The following KLF12 variants were observed in gnomAD, a reference collection of about 807,000 sequenced individuals.
The protein encoded by KLF12 is KLF transcription factor 12, also known as Krueppel-like factor 12.
In KLF12, 9 loss-of-function variants were observed where a neutral mutation model predicts 37.8. That is an observed-to-expected ratio of 0.24 (90% CI 0.14 to 0.42). The LOEUF (loss-of-function observed/expected upper bound fraction) is 0.42. Ranked by LOEUF, KLF12 falls within the 10% of genes least tolerant of loss-of-function variation. KLF12 has a pLI of 1.00. For synonymous variants in KLF12, 208 were observed against 202.1 expected, an observed-to-expected ratio of 1.03 and a Z score of -0.25; for missense variants, 411 against 516.0, an observed-to-expected ratio of 0.80 and a Z score of 1.97.
At chr13:73,876,704 TA>T (rs1460177427) in intron 3 of KLF12, among the ~76,000 whole-genome samples, 4 of 152,142 alleles carry the variant, frequency 2.6e-5, no homozygotes, top group Non-Finnish European at 4.4e-5. Context: ...TTCTGATTTC[TA>T]AAAAATGACA....
Position 73,945,931 on chromosome 13 carries a change from G to A in KLF12, c.34-1861C>T, listed in dbSNP as rs370054896. Among the ~76,000 whole-genome samples the A allele has an allele frequency of 2.6e-5, 4 of 152,112 alleles. No individual in the cohort carries two copies. In the South Asian group the frequency reaches 8.3e-4, roughly 32 times the overall value. Reference sequence around the variant, plus strand: ...GTTCTAAACTTGAAACCCTTTCATGGAGGCCTGTGGGTTGTTTTCACATGG... The same window carrying A: ...GTTCTAAACTTGAAACCCTTTCATGAAGGCCTGTGGGTTGTTTTCACATGG... On this transcript the variant is annotated intron_variant, in intron 2 of 7. Transcript: ENST00000377669.
intron 1 of KLF12, among the ~76,000 whole-genome samples, chr13:74,091,819 G>A (rs1341238058): frequency 6.6e-6 from 1 of 151,986 alleles, no homozygotes; most frequent in African/African-American, 2.4e-5. Flanking sequence ...TATTTATTTT[G>A]GGTGATAATA....
intron 5 of KLF12, among the ~76,000 whole-genome samples, chr13:73,811,107 T>G (rs1333750508): frequency 6.9e-6 from 1 of 145,204 alleles, no homozygotes; most frequent in Non-Finnish European, 1.5e-5. Context: ...TGCCTCAGCC[T>G]CCCGAGTAAC....
chr13:73,984,167 G>A lies in KLF12; in HGVS notation c.33+10823C>T, dbSNP rs188725645. On this transcript the variant is annotated intron_variant, in intron 2 of 7. Coordinates refer to ENST00000377669, the MANE Select transcript of KLF12 (RefSeq NM_007249.5). ...AAGAGGCAAGGAAAGACTTGGTGGT[G>A]GATTTGAACTATCTCAACTACATGT... Among the ~76,000 whole-genome samples the A allele has an allele frequency of 2.8e-3, 430 of 152,300 alleles. 1 individual carries two copies. The highest frequency in any genetic ancestry group is 6.3e-3 in the Admixed American group (96 of 15,300).
intron 2 of KLF12, among the ~76,000 whole-genome samples, chr13:73,987,142 T>C (rs541733413): frequency 2.0e-5 from 3 of 152,258 alleles, no homozygotes; most frequent in Non-Finnish European, 4.4e-5. Flanking sequence ...CATTAGACTA[T>C]AAGATACACT....
At chr13:73,869,638 T>C (rs529248280) in intron 3 of KLF12, among the ~76,000 whole-genome samples, 14 of 151,984 alleles carry the variant, frequency 9.2e-5, no homozygotes, top group African/African-American at 3.4e-4. Flanking sequence ...TCTATAACAG[T>C]TATATGCTGA....
rs138432537 is a variant in KLF12, at chr13:73,689,650, A to T, written c.*5840T>A. The T allele has an allele frequency of 2.1e-4, 32 of 152,322 alleles. No homozygotes were observed. In the East Asian group the frequency reaches 6.2e-3, roughly 29 times the overall value. 9.4% of individuals were successfully genotyped at this position (152,322 alleles called of 1,614,324 possible). A position where few individuals can be genotyped will look rare whatever the true frequency, so the allele number is the denominator to read the frequency against. On this transcript the variant is annotated 3_prime_UTR_variant, in exon 8 of 8. Transcript: ENST00000377669. ...GCTAGGCTTACTAAGTGTCAGTGGTACTTCAACAGACTTTTTGGGGAGAAA... is the reference window on the plus strand; with the variant it reads ...GCTAGGCTTACTAAGTGTCAGTGGTTCTTCAACAGACTTTTTGGGGAGAAA...
intron 3 of KLF12, among the ~76,000 whole-genome samples, chr13:73,872,097 G>A (rs555132000): frequency 2.0e-5 from 3 of 152,228 alleles, no homozygotes; most frequent in South Asian, 2.1e-4. Flanking sequence ...AGACGGCCAC[G>A]TGCTTGGGTC....
intron 3 of KLF12, among the ~76,000 whole-genome samples, chr13:73,866,125 G>A (rs1886164084): frequency 6.6e-6 from 1 of 152,096 alleles, no homozygotes; most frequent in South Asian, 2.1e-4. Context: ...GAATGGTGGT[G>A]GGCGCCTGTA....
intron 5 of KLF12, among the ~76,000 whole-genome samples, chr13:73,787,298 T>C (rs371102014): frequency 6.6e-6 from 1 of 152,148 alleles, no homozygotes; most frequent in African/African-American, 2.4e-5. Flanking sequence ...ATCTTATGAA[T>C]GATGGAACAA....
chr13:74,116,186 A>C (rs532987251), intron 1 of KLF12, among the ~76,000 whole-genome samples: 1 of 152,220 alleles, frequency 6.6e-6, no homozygotes, highest in Non-Finnish European at 1.5e-5. Context: ...ATAGCCAGAA[A>C]GCTTCACCAG....
At position 74,083,209 on chromosome 13, in the gene KLF12, T is replaced by C. The variant is rs969751400; in HGVS notation, c.-32+50530A>G. On this transcript the variant is annotated intron_variant, in intron 1 of 7. Coordinates refer to ENST00000377669, the MANE Select transcript of KLF12 (RefSeq NM_007249.5). ...TAATTTAGACAAATCCAATCCAATTTATTCCATCAAAGATGTATTGAGGCC... is the reference window on the plus strand; with the variant it reads ...TAATTTAGACAAATCCAATCCAATTCATTCCATCAAAGATGTATTGAGGCC... Among the ~76,000 whole-genome samples, 23 of 152,298 alleles carry C rather than the reference T, an allele frequency of 1.5e-4. No individual in the cohort carries two copies. The South Asian group carries it at 1.9e-3, about 12-fold the overall frequency.
At chr13:73,892,836 A>T (rs979095762) in intron 3 of KLF12, among the ~76,000 whole-genome samples, 2 of 152,190 alleles carry the variant, frequency 1.3e-5, no homozygotes, top group Admixed American at 6.5e-5. Flanking sequence ...TACTTTGCTT[A>T]TATTTGTGGG....
chr13:73,907,921 C>T (rs1426401481), intron 3 of KLF12, among the ~76,000 whole-genome samples: 1 of 152,180 alleles, frequency 6.6e-6, no homozygotes. Flanking sequence ...TTTTCTGCCT[C>T]AGACACAATG....
chr13:73,768,156 A>G (rs897978450), intron 5 of KLF12, among the ~76,000 whole-genome samples: 2 of 152,188 alleles, frequency 1.3e-5, no homozygotes, highest in Non-Finnish European at 2.9e-5. Context: ...ATCTTTGGGC[A>G]AGTTATTTAA....
intron 1 of KLF12, among the ~76,000 whole-genome samples, chr13:74,015,489 T>C (rs1437175434): frequency 2.0e-5 from 3 of 152,240 alleles, no homozygotes; most frequent in Non-Finnish European, 4.4e-5. Context: ...TTGTTATTAT[T>C]ACTTTTATCC....
chr13:73,910,117 A>T (rs889279890), intron 3 of KLF12, among the ~76,000 whole-genome samples: 1 of 152,116 alleles, frequency 6.6e-6, no homozygotes. Context: ...TTGATTCTTC[A>T]TTTGTACTAA....
intron 6 of KLF12, among the ~76,000 whole-genome samples, chr13:73,761,179 T>A (rs1424757916): frequency 1.3e-5 from 2 of 152,322 alleles, no homozygotes; most frequent in Admixed American, 6.5e-5. Context: ...CTAATAAGAA[T>A]TTTCCACATT....
At chr13:74,162,704 G>T in the KLF12 span, among the ~76,000 whole-genome samples, 1 of 152,178 alleles carries the variant, frequency 6.6e-6, no homozygotes, top group African/African-American at 2.4e-5. Flanking sequence ...CCCTGGCAGA[G>T]GTTTGTGGGT....
Sources: allele counts gnomAD v4.1 joint callset (sites outside exome capture counted in the v4.1 genomes callset), GRCh38; gene constraint gnomAD v4.1.1; transcripts MANE v1.5; gene names NCBI Gene and HGNC (gene_info 2026-07-23, HGNC 2026-07-21).